Variants in TSSC4 observed in about 807,000 individuals in gnomAD.
TSSC4 encodes tumor suppressing subtransferable candidate 4.
For synonymous variants in TSSC4, 259 were observed against 197.9 expected (o/e 1.31, Z -2.59); for missense variants, 500 against 443.9 (o/e 1.13, Z -1.14).
chr11:2,402,372 C>T lies in TSSC4; in HGVS notation c.-102C>T. 2.0e-6 allele frequency: 1 copy of T among 511,898 alleles called. No individual in the cohort carries two copies. Among genetic ancestry groups the T allele is most frequent in the Non-Finnish European group, 3.5e-6 (1 of 285,866 alleles). The allele number at this position is 511,898 out of a possible 1,614,324, so 31.7% of individuals were successfully genotyped here. On this transcript the variant is annotated 5_prime_UTR_variant, in exon 2 of 3. Coordinates refer to ENST00000333256, the MANE Select transcript of TSSC4 (RefSeq NM_005706.4). Reference sequence around the variant, plus strand: ...CGCCTGTGCCGCTGAGGACCTTCATCAGGGCTCCGTCCACTTGGCCCGCTT... The same window carrying T: ...CGCCTGTGCCGCTGAGGACCTTCATTAGGGCTCCGTCCACTTGGCCCGCTT...
At chr11:2,401,701 G>T (rs958458794) in intron 1 of TSSC4, 1 of 152,280 alleles carries the variant, frequency 6.6e-6, no homozygotes, top group Non-Finnish European at 1.5e-5. Context: ...GAGGCACCCA[G>T]TCACTCCAGC....
At chr11:2,402,542 C>T (rs1480916679) in intron 2 of TSSC4, 69 bp from the exon 3 acceptor site, 18 of 1,361,020 alleles carry the variant, frequency 1.3e-5, no homozygotes, top group Non-Finnish European at 1.7e-5. Flanking sequence ...GGCAGTGGAT[C>T]TGCAGGGGGA....
chr11:2,401,902 C>T (rs948231025), intron 1 of TSSC4: 1 of 152,200 alleles, frequency 6.6e-6, no homozygotes, highest in Non-Finnish European at 1.5e-5. Flanking sequence ...ATGCCAGGGC[C>T]TTGGCTGCAG....
At position 2,403,108 on chromosome 11, in the gene TSSC4, C is replaced by T. The variant is rs895071025; in HGVS notation, c.475C>T (p.Pro159Ser). The T allele has an allele frequency of 6.2e-7, 1 of 1,612,542 alleles. No homozygotes were observed. The highest frequency in any genetic ancestry group is 8.5e-7 in the Non-Finnish European group (1 of 1,179,884). ...VPPVPDYVAH[P>S]ERWTKYSLED... ...TCCGGTCCCCGACTACGTGGCACAC[C>T]CCGAGCGCTGGACCAAGTACAGCCT... is the stretch of plus-strand genomic sequence containing the variant. Residue 159 changes from proline to serine, a missense_variant, in exon 3 of 3, where the codon CCC (proline) becomes TCC (serine). Physicochemically the swap from Pro to Ser is moderately conservative, Grantham distance 74. Coordinates refer to ENST00000333256, the MANE Select transcript of TSSC4 (RefSeq NM_005706.4).
At chr11:2,401,521 G>A (rs1386613453) in intron 1 of TSSC4, 1 of 152,306 alleles carries the variant, frequency 6.6e-6, no homozygotes, top group African/African-American at 2.4e-5. Context: ...GGGGCACTAA[G>A]AGCCCCTGAT....
rs187819793 is a variant in TSSC4, at chr11:2,401,488, C to G, written c.-181+690C>G. Reference sequence around the variant, plus strand: ...AGTCGCGCCTCAGAGGAACTGAGGTCCTGCCTGTGTTCGACCTGGTGGGGG... The same window carrying G: ...AGTCGCGCCTCAGAGGAACTGAGGTGCTGCCTGTGTTCGACCTGGTGGGGG... On this transcript the variant is annotated intron_variant, in intron 1 of 2. Coordinates refer to ENST00000333256, the MANE Select transcript of TSSC4 (RefSeq NM_005706.4). 4.7e-3 allele frequency: 711 copies of G among 152,406 alleles called. 22 individuals carry two copies. Among genetic ancestry groups the G allele is most frequent in the East Asian group, 4.8e-3 (25 of 5,190 alleles). The allele number at this position is 152,406 out of a possible 1,614,324, so 9.4% of individuals were successfully genotyped here.
intron 1 of TSSC4, chr11:2,401,467 G>A (rs1850142738): frequency 6.6e-6 from 1 of 152,314 alleles, no homozygotes; most frequent in Non-Finnish European, 1.5e-5. Flanking sequence ...GAGGAGAGTC[G>A]CGCCTCAGAG....
rs772817315 is a variant in TSSC4 at position 2,402,684 on chromosome 11, C to T, written c.51C>T (p.His17=). Residue 17 remains histidine, a synonymous_variant, in exon 3 of 3, where the codon CAC becomes CAT. Transcript: ENST00000333256. ...GEPSPSVEGE[H]GTEYDTLPSD... is the part of the protein sequence containing the mutation. The stretch of plus-strand genomic sequence containing the variant: ...CGTCCCCCAGCGTGGAGGGCGAACA[C>T]GGGACGGAGTATGACACGCTGCCTT... 7.6e-6 allele frequency: 12 copies of T among 1,588,864 alleles called. No individual in the cohort carries two copies. Among genetic ancestry groups the T allele is most frequent in the South Asian group, 2.3e-5 (2 of 87,606 alleles).
In TSSC4 at chr11:2,403,321, AG is replaced by A; in HGVS notation, c.691del (p.Val231SerfsTer184). The A allele has an allele frequency of 6.2e-7, 1 of 1,612,460 alleles. No individual in the cohort carries two copies. On this transcript the variant is annotated frameshift_variant, in exon 3 of 3. Transcript: ENST00000333256. LOFTEE classifies it low-confidence loss of function (END_TRUNC). ...GGTCGAAGCCAGACACGAGAGGAAG[AG>A]GGTCCTGGGGAAGGTGGGAGAGCCA... ...RGVEARHERK[R>X]VLGKVGEPGR...
rs1400537055 is a variant in TSSC4 at position 2,402,673 on chromosome 11, G to C, written c.40G>C (p.Glu14Gln). 1.9e-6 allele frequency: 3 copies of C among 1,593,350 alleles called. No individual in the cohort carries two copies. Among genetic ancestry groups the C allele is most frequent in the Admixed American group, 1.8e-5 (1 of 57,104 alleles). The change falls in exon 3 of 3, where the codon GAG becomes CAG. Residue 14 changes from glutamate (E) to glutamine (Q), a missense_variant. Transcript: ENST00000333256. ...AGTGEPSPSVEGEHGTEYDTL... is the reference protein window; with the variant it reads ...AGTGEPSPSVQGEHGTEYDTL... ...AACAGGTGAGCCGTCCCCCAGCGTGGAGGGCGAACACGGGACGGAGTATGA... is the reference window on the plus strand; with the variant it reads ...AACAGGTGAGCCGTCCCCCAGCGTGCAGGGCGAACACGGGACGGAGTATGA...
chr11:2,403,177 G>T lies in TSSC4; in HGVS notation c.544G>T (p.Ala182Ser). 1 of 1,612,474 alleles carries T rather than the reference G, an allele frequency of 6.2e-7. No individual in the cohort carries two copies. Among genetic ancestry groups the T allele is most frequent in the Admixed American group, 1.7e-5 (1 of 59,948 alleles). ...CAGCGAGCAGAGCAATCAGGCCACC[G>T]CCCTGGCCTTCCTGGGCTCCCAGAG... Reference protein sequence around the residue: ...EVSEQSNQATALAFLGSQSLA... With the variant: ...EVSEQSNQATSLAFLGSQSLA... The change falls in exon 3 of 3, where the codon GCC becomes TCC. Residue 182 changes from alanine to serine, a missense_variant. By Grantham distance (99) the Ala-to-Ser change is moderately conservative. Coordinates refer to ENST00000333256, the MANE Select transcript of TSSC4 (RefSeq NM_005706.4).
At chr11:2,402,471 G>A (rs1005865316) in intron 2 of TSSC4, 21 bp downstream of exon 2, 6 of 729,240 alleles carry the variant, frequency 8.2e-6, no homozygotes, top group Middle Eastern at 4.0e-4. Context: ...GGCTTGGAGG[G>A]GGAGGCGGGA....
rs1444107939 is a variant in TSSC4, at chr11:2,402,962, C to T, written c.329C>T (p.Ser110Phe). 1.2e-6 allele frequency: 2 copies of T among 1,610,354 alleles called. No homozygotes were observed. Among genetic ancestry groups the T allele is most frequent in the African/African-American group, 1.3e-5 (1 of 74,890 alleles). Residue 110 changes from serine to phenylalanine, a missense_variant, in exon 3 of 3, where the codon TCT becomes TTT. By Grantham distance (155) the Ser-to-Phe change is radical. Transcript: ENST00000333256. ...LEGAARRAPS[S>F]VAHTSMSDNG... is the part of the protein sequence containing the mutation. The stretch of plus-strand genomic sequence containing the variant: ...GGGGCGGCCAGACGGGCTCCATCCT[C>T]TGTGGCCCACACCAGCATGAGTGAC...
chr11:2,402,179 T>C (rs1850165977), intron 1 of TSSC4, 115 bp from the exon 2 acceptor site: 1 of 163,382 alleles, frequency 6.1e-6, no homozygotes, highest in African/African-American at 2.4e-5. Context: ...CCCTGGGTCC[T>C]AGCCTGTCAG....
Position 2,402,359 on chromosome 11 carries a change from T to C in TSSC4, c.-115T>C. The C allele has an allele frequency of 2.0e-6, 1 of 493,420 alleles. No individual in the cohort carries two copies. Among genetic ancestry groups the C allele is most frequent in the Non-Finnish European group, 3.6e-6 (1 of 274,214 alleles). The allele number at this position is 493,420 out of a possible 1,614,324, so 30.6% of individuals were successfully genotyped here. ...CCTGAGACGACCACGCCTGTGCCGC[T>C]GAGGACCTTCATCAGGGCTCCGTCC... On this transcript the variant is annotated 5_prime_UTR_variant, in exon 2 of 3. Coordinates refer to ENST00000333256, the MANE Select transcript of TSSC4 (RefSeq NM_005706.4).
chr11:2,402,390 G>A lies in TSSC4; in HGVS notation c.-84G>A. On this transcript the variant is annotated 5_prime_UTR_variant, in exon 2 of 3. Transcript: ENST00000333256. The stretch of plus-strand genomic sequence containing the variant: ...CCTTCATCAGGGCTCCGTCCACTTG[G>A]CCCGCTTGGCTGTCCAATCACACTC... The A allele has an allele frequency of 1.9e-6, 1 of 533,738 alleles. No individual in the cohort carries two copies. Among genetic ancestry groups the A allele is most frequent in the South Asian group, 2.4e-5 (1 of 41,200 alleles). 33.1% of individuals were successfully genotyped at this position (533,738 alleles called of 1,614,324 possible). A position where few individuals can be genotyped will look rare whatever the true frequency, so the allele number is the denominator to read the frequency against.
chr11:2,401,203 C>T (rs974979023), intron 1 of TSSC4: 1 of 152,222 alleles, frequency 6.6e-6, no homozygotes, highest in African/African-American at 2.4e-5. Context: ...ACCGGAGTCC[C>T]TATCTTGCAG....
Position 2,403,675 on chromosome 11 carries a change from C to A in TSSC4, c.*52C>A. On this transcript the variant is annotated 3_prime_UTR_variant, in exon 3 of 3. Coordinates refer to ENST00000333256, the MANE Select transcript of TSSC4 (RefSeq NM_005706.4). ...CTGGCCACTGCCATCCTGCTGCCTT[C>A]CCAGTGGGGCTGGTCAGGGGGCAGC... 4.1e-6 allele frequency: 6 copies of A among 1,448,136 alleles called. No individual in the cohort carries two copies. Among genetic ancestry groups the A allele is most frequent in the African/African-American group, 1.4e-5 (1 of 69,222 alleles). The allele number at this position is 1,448,136 out of a possible 1,614,324, so 89.7% of individuals were successfully genotyped here.
At chr11:2,402,231 C>CTGTT (rs1850167797) in intron 1 of TSSC4, 63 bp from the exon 2 acceptor site, 2 of 186,470 alleles carry the variant, frequency 1.1e-5, no homozygotes, top group South Asian at 2.6e-4. Context: ...TGCCCGGCAC[C>CTGTT]TGTTTCACAC....
Sources: gnomAD v4.1 joint callset for allele counts on GRCh38, gnomAD v4.1.1 for gene constraint, MANE v1.5 for transcripts, NCBI Gene and HGNC (gene_info 2026-07-23, HGNC 2026-07-21) for gene names.